TMEM132D: variants seen among roughly 807,000 people sequenced by gnomAD.
The protein encoded by TMEM132D is mature OL transmembrane protein.
A neutral mutation model predicts 62.3 loss-of-function variants in TMEM132D; 21 were observed. The ratio of observed to expected loss-of-function variants is 0.34; its 90% CI spans 0.24 to 0.49. The LOEUF is 0.49. TMEM132D is among the 20% of genes least tolerant of loss of function. The pLI, the probability that TMEM132D is intolerant of heterozygous loss-of-function variation, is 0.99. For missense variants in TMEM132D, 1,346 were observed against 1,402.8 expected, an observed-to-expected ratio of 0.96 and a Z score of 0.65; for synonymous variants, 621 against 575.6, an observed-to-expected ratio of 1.08 and a Z score of -1.13.
At chr12:129,109,330 C>T (rs1032080655) in intron 5 of TMEM132D, among the ~76,000 whole-genome samples, 3 of 152,216 alleles carry the variant, frequency 2.0e-5, no homozygotes, top group African/African-American at 7.2e-5. Flanking sequence ...CTTAACCTCT[C>T]TGTGCCTTGG....
intron 5 of TMEM132D, among the ~76,000 whole-genome samples, chr12:129,187,632 C>T (rs1224502167): frequency 1.3e-5 from 2 of 152,232 alleles, no homozygotes; most frequent in Non-Finnish European, 2.9e-5. Context: ...CTTTGTACTG[C>T]TGCATAGTCA....
intron 2 of TMEM132D, among the ~76,000 whole-genome samples, chr12:129,577,280 C>A (rs1224904285): frequency 6.6e-6 from 1 of 151,788 alleles, no homozygotes; most frequent in Non-Finnish European, 1.5e-5. Context: ...CAGCAGGAGG[C>A]ACCCACAAAA....
At chr12:129,529,502 TA>T (rs1349199425) in intron 3 of TMEM132D, among the ~76,000 whole-genome samples, 7 of 152,170 alleles carry the variant, frequency 4.6e-5, no homozygotes, top group Non-Finnish European at 1.0e-4. Flanking sequence ...AAGTTAACAA[TA>T]AAAAGGGCAC....
intron 2 of TMEM132D, among the ~76,000 whole-genome samples, chr12:129,674,306 G>A (rs919993664): frequency 6.6e-6 from 1 of 152,056 alleles, no homozygotes; most frequent in Non-Finnish European, 1.5e-5. Context: ...CAAATAAAAT[G>A]GATAAATTCA....
At chr12:129,254,390 C>T (rs938563717) in intron 4 of TMEM132D, among the ~76,000 whole-genome samples, 2 of 152,180 alleles carry the variant, frequency 1.3e-5, no homozygotes, top group Non-Finnish European at 2.9e-5. Flanking sequence ...GGTGTCTGTG[C>T]TTCTTAGCGT....
At chr12:129,494,715 A>G (rs1396555016) in intron 3 of TMEM132D, among the ~76,000 whole-genome samples, 1 of 152,144 alleles carries the variant, frequency 6.6e-6, no homozygotes, top group Non-Finnish European at 1.5e-5. Flanking sequence ...CCCTCCTCCA[A>G]AAGTTCTCAT....
chr12:129,094,888 TG>T (rs1461207662), intron 5 of TMEM132D, among the ~76,000 whole-genome samples: 1 of 152,048 alleles, frequency 6.6e-6, no homozygotes, highest in African/African-American at 2.4e-5. Flanking sequence ...CGTAGGGACA[TG>T]GATGAAACTG....
chr12:129,338,444 A>C (rs1869362109), intron 3 of TMEM132D, among the ~76,000 whole-genome samples: 1 of 152,204 alleles, frequency 6.6e-6, no homozygotes, highest in Admixed American at 6.5e-5. Context: ...TCCTATAAGC[A>C]TACATCTAGA....
In TMEM132D at chr12:129,104,524, A is replaced by C. The variant is rs1185687377; in HGVS notation, c.1444-19822T>G. Among the ~76,000 whole-genome samples the C allele has an allele frequency of 7.9e-5, 12 of 152,362 alleles. No individual in the cohort carries two copies. In the East Asian group the frequency reaches 1.5e-3, roughly 20 times the overall value. On this transcript the variant is annotated intron_variant, in intron 5 of 8. Transcript: ENST00000422113. The stretch of plus-strand genomic sequence containing the variant: ...AAAACACCAAAAGCAATGGCAACCA[A>C]AGCCAAAATTGACAAATGGGATCTA...
intron 2 of TMEM132D, among the ~76,000 whole-genome samples, chr12:129,615,792 A>G (rs1204666983): frequency 7.0e-6 from 1 of 142,508 alleles, no homozygotes; most frequent in Non-Finnish European, 1.5e-5. Context: ...AAACAAAACA[A>G]AACAAAATAA....
At chr12:129,756,260 T>A (rs984040141) in intron 1 of TMEM132D, among the ~76,000 whole-genome samples, 1 of 152,148 alleles carries the variant, frequency 6.6e-6, no homozygotes, top group Non-Finnish European at 1.5e-5. Flanking sequence ...AAGAATTTAT[T>A]AAGTGGGTTA....
chr12:129,216,564 T>C (rs950190699), intron 4 of TMEM132D, among the ~76,000 whole-genome samples: 1 of 152,192 alleles, frequency 6.6e-6, no homozygotes, highest in African/African-American at 2.4e-5. Context: ...GTAGGAAGGA[T>C]GCTTCCCTAG....
intron 4 of TMEM132D, among the ~76,000 whole-genome samples, chr12:129,251,220 G>T (rs1385736874): frequency 6.6e-6 from 1 of 151,966 alleles, no homozygotes; most frequent in Admixed American, 6.6e-5. Flanking sequence ...TTAGCCGGGT[G>T]TGGTAGTGTG....
At chr12:129,350,827 C>T (rs531826983) in intron 3 of TMEM132D, among the ~76,000 whole-genome samples, 1 of 152,310 alleles carries the variant, frequency 6.6e-6, no homozygotes, top group African/African-American at 2.4e-5. Context: ...AGCCCCTTCC[C>T]CTCCTATAAA....
At chr12:129,786,062 C>A (rs1375114689) in intron 1 of TMEM132D, among the ~76,000 whole-genome samples, 1 of 152,140 alleles carries the variant, frequency 6.6e-6, no homozygotes, top group Non-Finnish European at 1.5e-5. Flanking sequence ...GTGTCAAATG[C>A]ATGGTGCCAG....
chr12:129,833,744 C>T (rs1473188294), intron 1 of TMEM132D, among the ~76,000 whole-genome samples: 4 of 152,176 alleles, frequency 2.6e-5, no homozygotes, highest in Non-Finnish European at 5.9e-5. Context: ...CCACAGGCAC[C>T]GTCCCCAATT....
chr12:129,705,962 A>G (rs999486037), intron 1 of TMEM132D, among the ~76,000 whole-genome samples: 1 of 152,142 alleles, frequency 6.6e-6, no homozygotes, highest in Non-Finnish European at 1.5e-5. Context: ...ATGACAACCA[A>G]ATAAAAATAT....
chr12:129,811,119 A>G (rs1872163557), intron 1 of TMEM132D, among the ~76,000 whole-genome samples: 2 of 151,862 alleles, frequency 1.3e-5, no homozygotes, highest in African/African-American at 4.8e-5. Context: ...TTAACAAGAA[A>G]TTTGTCATAT....
chr12:129,797,619 C>A (rs1871607036), intron 1 of TMEM132D, among the ~76,000 whole-genome samples: 4 of 152,184 alleles, frequency 2.6e-5, no homozygotes. Context: ...TGTGTCGTTA[C>A]ACATGGTTCT....
Sources: allele counts gnomAD v4.1 joint callset (sites outside exome capture counted in the v4.1 genomes callset), GRCh38; gene constraint gnomAD v4.1.1; transcripts MANE v1.5; gene names NCBI Gene and HGNC (gene_info 2026-07-23, HGNC 2026-07-21).